FHIT: variants seen among roughly 807,000 people sequenced by gnomAD.
FHIT encodes the protein bis(5'-adenosyl)-triphosphatase.
A neutral mutation model predicts 17.9 loss-of-function variants in FHIT; 19 were observed. The ratio of observed to expected loss-of-function variants is 1.06; its 90% CI spans 0.74 to 1.56. The LOEUF (loss-of-function observed/expected upper bound fraction) is 1.56, where lower values mean the gene tolerates loss of function less well. Among genes scored for constraint, FHIT ranks in the 40% most tolerant of loss-of-function variants. The pLI is 0.00. For synonymous variants in FHIT, 81 were observed against 69.7 expected (o/e 1.16, Z -0.81); for missense variants, 248 against 189.2 (o/e 1.31, Z -1.82).
chr3:60,440,869 T>C (rs1490583678), intron 5 of FHIT, among the ~76,000 whole-genome samples: 5 of 152,026 alleles, frequency 3.3e-5, no homozygotes, highest in African/African-American at 7.2e-5. Context: ...ACAAATAACA[T>C]AGGGCAATAA....
chr3:60,513,998 G>C (rs984596198), intron 5 of FHIT, among the ~76,000 whole-genome samples: 3 of 152,178 alleles, frequency 2.0e-5, no homozygotes, highest in African/African-American at 4.8e-5. Context: ...TTGGGGAGAA[G>C]TTTGGCCAGG....
chr3:60,050,633 G>A (rs1241406869), intron 5 of FHIT, among the ~76,000 whole-genome samples: 5 of 152,134 alleles, frequency 3.3e-5, no homozygotes, highest in Non-Finnish European at 7.4e-5. Flanking sequence ...CCAGGCGCAG[G>A]ATCCCCGAGT....
chr3:60,397,164 G>C (rs1013442863), intron 5 of FHIT, among the ~76,000 whole-genome samples: 1 of 152,184 alleles, frequency 6.6e-6, no homozygotes, highest in African/African-American at 2.4e-5. Context: ...AGAATAAACT[G>C]CAACTGTAGA....
intron 5 of FHIT, among the ~76,000 whole-genome samples, chr3:60,156,994 A>C (rs533921669): frequency 6.6e-6 from 1 of 152,182 alleles, no homozygotes; most frequent in East Asian, 1.9e-4. Context: ...ATTAAGATAT[A>C]TCTTTATTTA....
At chr3:60,124,009 T>TATATATAGAG (rs1384962194) in intron 5 of FHIT, among the ~76,000 whole-genome samples, 1 of 12,158 alleles carries the variant, frequency 8.2e-5, no homozygotes, top group Non-Finnish European at 1.5e-4. Context: ...TATATATATA[T>TATATATAGAG]AGAGAGAGAG....
At chr3:60,166,902 A>T (rs1252033437) in intron 5 of FHIT, among the ~76,000 whole-genome samples, 2 of 152,168 alleles carry the variant, frequency 1.3e-5, no homozygotes. Context: ...AACTATTTGT[A>T]CTTGCCTCCC....
chr3:60,027,108 GACACACACACACACACACAC>G (rs754046097), intron 5 of FHIT, among the ~76,000 whole-genome samples: 1 of 88,048 alleles, frequency 1.1e-5, no homozygotes, highest in Non-Finnish European at 2.3e-5. Flanking sequence ...TTCACACACA[GACACACACACACACACACAC>G]ACACACACAC....
intron 8 of FHIT, among the ~76,000 whole-genome samples, chr3:59,799,116 A>G (rs1456149019): frequency 6.6e-6 from 1 of 152,180 alleles, no homozygotes; most frequent in Admixed American, 6.5e-5. Flanking sequence ...ATATTTTTTA[A>G]CTCAGTTTTA....
At chr3:60,297,979 T>C (rs571983700) in intron 5 of FHIT, among the ~76,000 whole-genome samples, 1 of 152,142 alleles carries the variant, frequency 6.6e-6, no homozygotes, top group African/African-American at 2.4e-5. Context: ...AGAAATTTGG[T>C]AGAGTGGCTC....
chr3:61,244,441 A>C (rs1229427577), intron 1 of FHIT, among the ~76,000 whole-genome samples: 1 of 152,216 alleles, frequency 6.6e-6, no homozygotes, highest in Non-Finnish European at 1.5e-5. Context: ...AGAAAGACTC[A>C]ATTGCATGGG....
chr3:61,196,794 C>A (rs1015089828), intron 2 of FHIT, among the ~76,000 whole-genome samples: 1 of 152,118 alleles, frequency 6.6e-6, no homozygotes, highest in Non-Finnish European at 1.5e-5. Context: ...GGCCCCCAAC[C>A]GGAACTGTGG....
Position 60,577,907 on chromosome 3 carries a change from G to C in FHIT, c.-17-40928C>G, listed in dbSNP as rs147781466. Among the ~76,000 whole-genome samples the C allele has an allele frequency of 3.9e-4, 60 of 152,140 alleles. 2 individuals are homozygous for C. The East Asian group carries it at 0.011, about 28-fold the overall frequency. ...TAATTAAGTTGCTTAGACAATTCCA[G>C]GTGACTCAAATTTCATAGCACGCTC... is the stretch of plus-strand genomic sequence containing the variant. On this transcript the variant is annotated intron_variant, in intron 4 of 9. Coordinates refer to ENST00000492590, the MANE Select transcript of FHIT (RefSeq NM_002012.4).
At chr3:60,489,464 T>G (rs1178457143) in intron 5 of FHIT, among the ~76,000 whole-genome samples, 1 of 152,136 alleles carries the variant, frequency 6.6e-6, no homozygotes, top group Non-Finnish European at 1.5e-5. Flanking sequence ...ACATCATGAC[T>G]AAGACCAAGC....
intron 4 of FHIT, among the ~76,000 whole-genome samples, chr3:60,677,028 C>A (rs1262587109): frequency 6.6e-6 from 1 of 152,054 alleles, no homozygotes; most frequent in Non-Finnish European, 1.5e-5. Context: ...GCATGTGGCA[C>A]CATGCCCAGC....
At chr3:59,792,650 G>A (rs1699612671) in intron 8 of FHIT, among the ~76,000 whole-genome samples, 1 of 152,158 alleles carries the variant, frequency 6.6e-6, no homozygotes, top group African/African-American at 2.4e-5. Context: ...TGCTTAACAA[G>A]AATCTAGTAC....
intron 7 of FHIT, among the ~76,000 whole-genome samples, chr3:59,975,836 T>C (rs187151045): frequency 4.0e-4 from 60 of 151,660 alleles, no homozygotes; most frequent in Middle Eastern, 6.9e-3. Flanking sequence ...AAGAGTGAGG[T>C]AGGACCTAAC....
At chr3:60,514,457 T>C (rs949806153) in intron 5 of FHIT, among the ~76,000 whole-genome samples, 6 of 152,020 alleles carry the variant, frequency 3.9e-5, no homozygotes, top group African/African-American at 1.4e-4. Flanking sequence ...GCCAGCGAAG[T>C]GGTCAAGGGA....
chr3:59,925,457 C>G (rs527683116), intron 7 of FHIT, among the ~76,000 whole-genome samples: 1 of 152,278 alleles, frequency 6.6e-6, no homozygotes, highest in South Asian at 2.1e-4. Context: ...TCTGACCACT[C>G]TCCTTGCGTG....
chr3:60,490,347 G>A (rs1438013079), intron 5 of FHIT, among the ~76,000 whole-genome samples: 1 of 151,910 alleles, frequency 6.6e-6, no homozygotes, highest in East Asian at 1.9e-4. Flanking sequence ...TATGGGTTCT[G>A]TGCACATCTG....
Sources: allele counts gnomAD v4.1 joint callset (sites outside exome capture counted in the v4.1 genomes callset), GRCh38; gene constraint gnomAD v4.1.1; transcripts MANE v1.5; gene names NCBI Gene and HGNC (gene_info 2026-07-23, HGNC 2026-07-21).